The following PLCL1 variants were observed in gnomAD, a reference collection of about 807,000 sequenced individuals.
PLCL1 encodes inactive phospholipase C-like protein 1.
PLCL1 carries 41 observed loss-of-function variants against 84.4 expected under a neutral mutation model. The ratio of observed to expected loss-of-function variants is 0.49; its 90% CI spans 0.38 to 0.63. The LOEUF (loss-of-function observed/expected upper bound fraction) is 0.63. Among genes scored for constraint, PLCL1 ranks in the 30% least tolerant of loss-of-function variants. PLCL1 has a pLI of 0.00. For synonymous variants in PLCL1, 490 were observed against 488.3 expected (o/e 1.00, Z -0.05); for missense variants, 1,206 against 1,367.8 (o/e 0.88, Z 1.87).
chr2:197,954,438 A>T (rs908115901), intron 1 of PLCL1, among the ~76,000 whole-genome samples: 1 of 152,084 alleles, frequency 6.6e-6, no homozygotes, highest in Non-Finnish European at 1.5e-5. Flanking sequence ...TTAGTTTCTC[A>T]GATGTCTTGC....
At chr2:198,047,551 A>G (rs1345654155) in intron 1 of PLCL1, among the ~76,000 whole-genome samples, 1 of 152,152 alleles carries the variant, frequency 6.6e-6, no homozygotes, top group Non-Finnish European at 1.5e-5. Flanking sequence ...GTTTCTGAAG[A>G]ACACAATTTT....
At chr2:198,060,371 G>A (rs1196754580) in intron 1 of PLCL1, among the ~76,000 whole-genome samples, 1 of 152,204 alleles carries the variant, frequency 6.6e-6, no homozygotes, top group Non-Finnish European at 1.5e-5. Context: ...TCTGTGTTAA[G>A]TCATTACAGA....
intron 1 of PLCL1, among the ~76,000 whole-genome samples, chr2:197,883,240 AT>A (rs1018096137): frequency 2.6e-5 from 4 of 152,210 alleles, no homozygotes; most frequent in African/African-American, 9.6e-5. Flanking sequence ...CTTCCTTTTG[AT>A]TACTTAGGAA....
At chr2:198,111,956 C>G (rs1405121215) in intron 5 of PLCL1, among the ~76,000 whole-genome samples, 1 of 151,788 alleles carries the variant, frequency 6.6e-6, no homozygotes, top group Non-Finnish European at 1.5e-5. Context: ...ACAGAATATG[C>G]CTACTGTCAG....
In PLCL1 at chr2:198,007,669, T is replaced by A. The variant is rs577547721; in HGVS notation, c.241-76089T>A. Among the ~76,000 whole-genome samples, 5 of 152,276 alleles carry A rather than the reference T, an allele frequency of 3.3e-5. No homozygotes were observed. In the South Asian group the frequency reaches 1.0e-3, roughly 32 times the overall value. On this transcript the variant is annotated intron_variant, in intron 1 of 5. Transcript: ENST00000428675. ...TTATGGGTCAGTTACATCAACTTCATCATAAACCCTCTTCAAAAAACATGC... is the reference window on the plus strand; with the variant it reads ...TTATGGGTCAGTTACATCAACTTCAACATAAACCCTCTTCAAAAAACATGC...
intron 1 of PLCL1, among the ~76,000 whole-genome samples, chr2:198,064,388 TA>T (rs1179360501): frequency 1.3e-5 from 2 of 152,158 alleles, no homozygotes; most frequent in African/African-American, 4.8e-5. Flanking sequence ...GTTTGCAACT[TA>T]AAAAAATCTT....
chr2:198,137,469 G>A (rs1253193372), intron 5 of PLCL1, among the ~76,000 whole-genome samples: 3 of 152,146 alleles, frequency 2.0e-5, no homozygotes, highest in African/African-American at 2.4e-5. Flanking sequence ...TAGAGAAAAC[G>A]TAAGGAAAAA....
At chr2:197,908,253 T>A (rs368431525) in intron 1 of PLCL1, among the ~76,000 whole-genome samples, 2 of 152,178 alleles carry the variant, frequency 1.3e-5, no homozygotes, top group East Asian at 3.8e-4. Context: ...TTAGGAAATA[T>A]CAGTGCTGAC....
At chr2:197,886,192 A>C (rs955894626) in intron 1 of PLCL1, among the ~76,000 whole-genome samples, 4 of 152,062 alleles carry the variant, frequency 2.6e-5, no homozygotes, top group African/African-American at 9.7e-5. Flanking sequence ...CGGGCGGATC[A>C]CTTGAGGTTA....
chr2:197,876,490 A>C (rs939383462), intron 1 of PLCL1, among the ~76,000 whole-genome samples: 1 of 149,682 alleles, frequency 6.7e-6, no homozygotes, highest in African/African-American at 2.4e-5. Context: ...CTTAGAGAAC[A>C]TTTTTTTTTT....
chr2:198,125,770 T>C (rs796842923), intron 5 of PLCL1, among the ~76,000 whole-genome samples: 3 of 152,110 alleles, frequency 2.0e-5, no homozygotes, highest in African/African-American at 2.4e-5. Context: ...CCAGGATCCA[T>C]TGATTTCTTT....
chr2:197,897,139 T>C (rs1360970991), intron 1 of PLCL1, among the ~76,000 whole-genome samples: 2 of 30,266 alleles, frequency 6.6e-5, no homozygotes, highest in Non-Finnish European at 1.2e-4. Flanking sequence ...CTTCTTCTTC[T>C]TCTTCTTCTT....
At chr2:198,048,968 A>G (rs550650391) in intron 1 of PLCL1, among the ~76,000 whole-genome samples, 107 of 152,310 alleles carry the variant, frequency 7.0e-4, no homozygotes, top group African/African-American at 2.3e-3. Flanking sequence ...TTATGCCTCA[A>G]GTTGAGCAGA....
chr2:198,123,348 A>C (rs544020003), intron 5 of PLCL1, among the ~76,000 whole-genome samples: 1 of 152,026 alleles, frequency 6.6e-6, no homozygotes, highest in Non-Finnish European at 1.5e-5. Context: ...ACAAATTTCT[A>C]TGTTGAAATC....
At chr2:197,897,145 T>C (rs1688154926) in intron 1 of PLCL1, among the ~76,000 whole-genome samples, 1 of 31,078 alleles carries the variant, frequency 3.2e-5, no homozygotes, top group Non-Finnish European at 5.8e-5. Context: ...CTTCTTCTTC[T>C]TCTTCTTCTT....
intron 1 of PLCL1, among the ~76,000 whole-genome samples, chr2:198,003,574 A>C (rs896331034): frequency 3.3e-5 from 5 of 152,200 alleles, no homozygotes; most frequent in African/African-American, 1.2e-4. Flanking sequence ...AGACAGAAGA[A>C]CTATGTATTT....
At chr2:198,024,849 A>T (rs1026448516) in intron 1 of PLCL1, among the ~76,000 whole-genome samples, 6 of 152,016 alleles carry the variant, frequency 3.9e-5, no homozygotes, top group Non-Finnish European at 4.4e-5. Flanking sequence ...TGATGAATTA[A>T]TTTCCCTAAT....
At chr2:198,017,630 A>G (rs1341956335) in intron 1 of PLCL1, among the ~76,000 whole-genome samples, 1 of 152,232 alleles carries the variant, frequency 6.6e-6, no homozygotes, top group Non-Finnish European at 1.5e-5. Flanking sequence ...CATTGTAATG[A>G]TATTTGGCTT....
chr2:197,895,227 C>T (rs914730587), intron 1 of PLCL1, among the ~76,000 whole-genome samples: 7 of 151,938 alleles, frequency 4.6e-5, no homozygotes, highest in African/African-American at 1.7e-4. Context: ...AATCCACTGA[C>T]ATCTCTCCCC....
Sources: gnomAD v4.1 joint callset for allele counts (sites outside exome capture counted in the v4.1 genomes callset) on GRCh38, gnomAD v4.1.1 for gene constraint, MANE v1.5 for transcripts, NCBI Gene and HGNC (gene_info 2026-07-23, HGNC 2026-07-21) for gene names.